DPY19L1: variants seen among roughly 807,000 people sequenced by gnomAD.
DPY19L1 encodes protein C-mannosyl-transferase DPY19L1.
A neutral mutation model predicts 96.9 loss-of-function variants in DPY19L1; 35 were observed. The ratio of observed to expected loss-of-function variants is 0.36; its 90% confidence interval spans 0.28 to 0.48. The LOEUF is 0.48. Among genes scored for constraint, DPY19L1 ranks in the 20% least tolerant of loss-of-function variants. The probability of loss-of-function intolerance (pLI) is 0.99; values close to 1 mark genes in which losing one functional copy is unlikely to be tolerated. For synonymous variants in DPY19L1, 205 were observed against 252.6 expected (o/e 0.81, Z 1.79); for missense variants, 521 against 777.9 (o/e 0.67, Z 3.93).
chr7:35,037,926 C>T (rs1786489411), upstream of DPY19L1: 5 of 1,233,508 alleles, frequency 4.1e-6, no homozygotes, highest in Non-Finnish European at 1.0e-6. Context: ...AAGGAAGAGC[C>T]CTCTCGGGAT....
At chr7:34,934,990 G>A (rs1186721) in intron 21 of DPY19L1, among the ~76,000 whole-genome samples, 40,034 of 152,044 alleles carry the variant, frequency 0.26, 5,490 homozygotes, top group Non-Finnish European at 0.31. Flanking sequence ...GAAATGTTTT[G>A]CCAGTGAGTG....
intron 11 of DPY19L1, among the ~76,000 whole-genome samples, chr7:34,957,429 T>G (rs1784403132): frequency 6.6e-6 from 1 of 152,166 alleles, no homozygotes; most frequent in South Asian, 2.1e-4. Flanking sequence ...CTGCCATATG[T>G]AGCAGAAAGA....
intron 6 of DPY19L1, among the ~76,000 whole-genome samples, chr7:34,994,979 T>A (rs1427698670): frequency 6.6e-6 from 1 of 152,142 alleles, no homozygotes; most frequent in African/African-American, 2.4e-5. Flanking sequence ...AAATACAGGT[T>A]ATGGTCCAAC....
chr7:34,935,572 C>G lies in DPY19L1; in HGVS notation c.2090+2422G>C, dbSNP rs571268792. 2.0e-5 allele frequency among the ~76,000 whole-genome samples: 3 copies of G among 152,186 alleles called. No homozygotes were observed. In the South Asian group the frequency reaches 6.2e-4, roughly 32 times the overall value. ...TGAGATCATTTAAACATAGTGCTCACCAATTGCCAGGCACAGATTAAGCAC... is the reference window on the plus strand; with the variant it reads ...TGAGATCATTTAAACATAGTGCTCAGCAATTGCCAGGCACAGATTAAGCAC... On this transcript the variant is annotated intron_variant, in intron 21 of 21. Transcript: ENST00000638088.
intron 20 of DPY19L1, among the ~76,000 whole-genome samples, chr7:34,938,684 C>T (rs1397078386): frequency 1.3e-5 from 2 of 152,030 alleles, no homozygotes; most frequent in South Asian, 2.1e-4. Flanking sequence ...ATAAGATTCA[C>T]CTAATCACTT....
intron 10 of DPY19L1, among the ~76,000 whole-genome samples, chr7:34,965,625 C>T (rs1738078118): frequency 6.6e-6 from 1 of 151,828 alleles, no homozygotes; most frequent in South Asian, 2.1e-4. Context: ...ATTTTATGAC[C>T]GTGTTTATAA....
chr7:34,981,333 T>A (rs543577960), intron 7 of DPY19L1, among the ~76,000 whole-genome samples: 5 of 152,310 alleles, frequency 3.3e-5, no homozygotes, highest in African/African-American at 1.2e-4. Context: ...CCATTAAATG[T>A]AGATGAAATG....
At chr7:34,972,617 C>A (rs1377312228) in intron 8 of DPY19L1, among the ~76,000 whole-genome samples, 3 of 152,148 alleles carry the variant, frequency 2.0e-5, no homozygotes, top group African/African-American at 7.2e-5. Context: ...CACAACACTT[C>A]TTACAGAGAT....
intron 6 of DPY19L1, among the ~76,000 whole-genome samples, chr7:34,995,696 AGAGTT>A (rs1168588941): frequency 3.3e-5 from 5 of 152,222 alleles, no homozygotes; most frequent in Non-Finnish European, 7.3e-5. Flanking sequence ...AAAAGCCATC[AGAGTT>A]AATTCAAAAC....
chr7:35,028,086 A>C (rs1254978280), intron 1 of DPY19L1, among the ~76,000 whole-genome samples: 1 of 152,236 alleles, frequency 6.6e-6, no homozygotes, highest in Non-Finnish European at 1.5e-5. Context: ...GAGCCCTTTC[A>C]CATATTAAGC....
intron 20 of DPY19L1, 26 bp downstream of exon 20, chr7:34,939,250 T>C (rs1212221040): frequency 5.0e-6 from 8 of 1,594,854 alleles, no homozygotes; most frequent in Non-Finnish European, 8.5e-7. Context: ...GAGGTTTGTT[T>C]TGATGATGCA....
chr7:35,014,431 C>T (rs1043971503), intron 3 of DPY19L1, among the ~76,000 whole-genome samples: 19 of 151,728 alleles, frequency 1.3e-4, no homozygotes, highest in African/African-American at 3.9e-4. Flanking sequence ...AGAAGCCTAA[C>T]GGAGAGTCTA....
intron 3 of DPY19L1, among the ~76,000 whole-genome samples, chr7:35,016,854 C>G (rs1411865728): frequency 6.6e-6 from 1 of 152,160 alleles, no homozygotes; most frequent in Non-Finnish European, 1.5e-5. Flanking sequence ...TAGGACAAAT[C>G]AGCTGGATTT....
Position 34,939,292 on chromosome 7 carries a change from C to CA in DPY19L1, c.1947dup (p.Glu650Ter). The CA allele has an allele frequency of 6.2e-7, 1 of 1,613,560 alleles. No homozygotes were observed. The highest frequency in any genetic ancestry group is 8.5e-7 in the Non-Finnish European group (1 of 1,179,918). On this transcript the variant is annotated frameshift_variant, in exon 20 of 22. Transcript: ENST00000638088. LOFTEE classifies it high-confidence loss of function. ...TGCACTGACCTCAAGCCTGCGTCTT[C>CA]ATAATGTGGATGATTCACAATGGGC...
chr7:35,010,469 T>C lies in DPY19L1; in HGVS notation c.763A>G (p.Ser255Gly). ...AAACACATACTAAAATATTCTTACCTTAAATATGTGCCATATATGAAGAAT... is the reference window on the plus strand; with the variant it reads ...AAACACATACTAAAATATTCTTACCCTAAATATGTGCCATATATGAAGAAT... ...ALFFIYGTYL[S>G]GSRLGGLVTV... is the part of the protein sequence containing the mutation. Residue 255 changes from serine (S) to glycine (G), a missense_variant and splice_region_variant, in exon 6 of 22, where the codon AGT becomes GGT. Transcript: ENST00000638088. 1 of 1,533,024 alleles carries C rather than the reference T, an allele frequency of 6.5e-7. No individual in the cohort carries two copies. The highest frequency in any genetic ancestry group is 9.0e-7 in the Non-Finnish European group (1 of 1,113,460). The allele number at this position is 1,533,024 out of a possible 1,614,324, so 95.0% of individuals were successfully genotyped here.
chr7:34,934,311 CTTGAG>C (rs1391394443), intron 21 of DPY19L1, among the ~76,000 whole-genome samples: 1 of 152,114 alleles, frequency 6.6e-6, no homozygotes, highest in Non-Finnish European at 1.5e-5. Context: ...GGCAGATGCT[CTTGAG>C]TTGTTTTTAC....
Position 34,958,025 on chromosome 7 carries a change from A to G in DPY19L1, c.1138T>C (p.Leu380=), listed in dbSNP as rs781538293. The G allele has an allele frequency of 1.9e-6, 3 of 1,587,820 alleles. No homozygotes were observed. In the African/African-American group the frequency reaches 4.1e-5, roughly 22 times the overall value. ...CFVLMFGNSM[L]LTSYYASSLV... is the part of the protein sequence containing the mutation. ...GAAGAAGCATAATAAGAAGTTAATA[A>G]CATTGAGTTCCCAAACATCAAAACA... Residue 380 remains leucine (L), a synonymous_variant, in exon 11 of 22, where the codon TTA becomes CTA. Coordinates refer to ENST00000638088, the MANE Select transcript of DPY19L1 (RefSeq NM_001366673.1).
At chr7:35,018,064 C>T in intron 2 of DPY19L1, 95 bp from the exon 3 acceptor site, 1 of 836,442 alleles carries the variant, frequency 1.2e-6, no homozygotes, top group Admixed American at 3.0e-5. Flanking sequence ...TATCAGTTAA[C>T]TTGCAGATAA....
intron 14 of DPY19L1, 72 bp downstream of exon 14, chr7:34,949,725 T>A (rs2021390): frequency 1.1e-6 from 1 of 927,296 alleles, no homozygotes; most frequent in Non-Finnish European, 1.7e-6. Context: ...GAGTCTGATA[T>A]AAGAGGAGCA....
Sources: allele counts gnomAD v4.1 joint callset (sites outside exome capture counted in the v4.1 genomes callset), GRCh38; gene constraint gnomAD v4.1.1; transcripts MANE v1.5; gene names NCBI Gene and HGNC (gene_info 2026-07-23, HGNC 2026-07-21).